ZNF106: variants seen among roughly 807,000 people sequenced by gnomAD.
ZNF106 encodes the protein SH3-domain binding protein 3.
ZNF106 carries 67 observed loss-of-function variants against 195.1 expected under a neutral mutation model. The observed-to-expected ratio is 0.34, with a 90% CI of 0.28 to 0.42. The LOEUF (loss-of-function observed/expected upper bound fraction) is 0.42, where lower values mean the gene tolerates loss of function less well. Among genes scored for constraint, ZNF106 ranks in the 10% least tolerant of loss-of-function variants. The pLI is 1.00. For synonymous variants in ZNF106, 784 were observed against 818.6 expected, an observed-to-expected ratio of 0.96 and a Z score of 0.72; for missense variants, 2,118 against 2,304.5, an observed-to-expected ratio of 0.92 and a Z score of 1.66.
intron 19 of ZNF106, 59 bp downstream of exon 19, chr15:42,421,858 A>G: frequency 7.0e-7 from 1 of 1,428,902 alleles, no homozygotes; most frequent in Non-Finnish European, 9.5e-7. Flanking sequence ...TGGAAGTGAC[A>G]AGAATTTTTT....
intron 1 of ZNF106, among the ~76,000 whole-genome samples, chr15:42,478,406 C>A (rs1344166077): frequency 6.6e-6 from 1 of 151,994 alleles, no homozygotes; most frequent in African/African-American, 2.4e-5. Flanking sequence ...TTGTGATCCA[C>A]CTGCCTCGGC....
Position 42,457,882 on chromosome 15 carries a change from T to C in ZNF106, c.117-724A>G, listed in dbSNP as rs899863187. On this transcript the variant is annotated intron_variant, in intron 3 of 21. Transcript: ENST00000564754. The stretch of plus-strand genomic sequence containing the variant: ...TGAGAGAGATGCAAAACCAGGTTTT[T>C]AGTTAAACTAGGCAGACTTTTTTGC... Among the ~76,000 whole-genome samples, 6 of 152,354 alleles carry C rather than the reference T, an allele frequency of 3.9e-5. No homozygotes were observed. The South Asian group carries it at 1.2e-3, about 32-fold the overall frequency.
At chr15:42,453,744 C>T (rs917806694) in intron 4 of ZNF106, among the ~76,000 whole-genome samples, 3 of 152,030 alleles carry the variant, frequency 2.0e-5, no homozygotes, top group Admixed American at 6.6e-5. Flanking sequence ...TACAGGCTCC[C>T]GCCACCACGC....
At chr15:42,427,707 T>A (rs979423340) in intron 15 of ZNF106, 6 of 207,902 alleles carry the variant, frequency 2.9e-5, no homozygotes, top group African/African-American at 6.8e-5. Context: ...CTTAAGTTCA[T>A]TTTTTATGAT....
At chr15:42,418,282 C>T (rs1595858015) in intron 20 of ZNF106, among the ~76,000 whole-genome samples, 2 of 152,012 alleles carry the variant, frequency 1.3e-5, no homozygotes, top group Admixed American at 1.3e-4. Context: ...TTTGATGTTG[C>T]CATCATAAAA....
At position 42,414,401 on chromosome 15, in the gene ZNF106, G is replaced by T. The variant is rs147557055; in HGVS notation, c.*2903C>A. 1 of 152,190 alleles carries T rather than the reference G, an allele frequency of 6.6e-6. No homozygotes were observed. The highest frequency in any genetic ancestry group is 2.4e-5 in the African/African-American group (1 of 41,452). 9.4% of individuals were successfully genotyped at this position (152,190 alleles called of 1,614,324 possible). ...GTAACACACTAATCTGGTGTTAAAA[G>T]AATTTCATGTGTTCTTGAAACAAAG... is the stretch of plus-strand genomic sequence containing the variant. On this transcript the variant is annotated 3_prime_UTR_variant, in exon 22 of 22. Transcript: ENST00000564754.
intron 3 of ZNF106, among the ~76,000 whole-genome samples, chr15:42,463,010 G>A (rs2056429193): frequency 6.6e-6 from 1 of 151,648 alleles, no homozygotes; most frequent in African/African-American, 2.4e-5. Flanking sequence ...TGTTGCCCAG[G>A]TTGGTCTTGA....
intron 1 of ZNF106, among the ~76,000 whole-genome samples, chr15:42,474,338 TTCGG>T (rs72007473): frequency 0.014 from 2,089 of 152,328 alleles, 58 homozygotes; most frequent in African/African-American, 0.048. Flanking sequence ...ACTAGTATAG[TTCGG>T]TCTAGCACTT....
intron 3 of ZNF106, among the ~76,000 whole-genome samples, chr15:42,460,042 C>CAA (rs1288163141): frequency 3.3e-5 from 3 of 91,370 alleles, no homozygotes; most frequent in Non-Finnish European, 6.8e-5. Flanking sequence ...GACTTGGCCT[C>CAA]AAAAAAAAAA....
Position 42,450,882 on chromosome 15 carries a change from C to G in ZNF106, c.1390G>C (p.Glu464Gln), listed in dbSNP as rs1293069147. 1.2e-6 allele frequency: 2 copies of G among 1,613,994 alleles called. No homozygotes were observed. Among genetic ancestry groups the G allele is most frequent in the Non-Finnish European group, 1.7e-6 (2 of 1,180,026 alleles). Residue 464 changes from glutamate (E) to glutamine (Q), a missense_variant, in exon 5 of 22, where the codon GAG becomes CAG. Glu to Gln is a conservative substitution (Grantham distance 29). Transcript: ENST00000564754. ...QCPTAEKPEQ[E>Q]HTPNKMPSLK... ...GATGGCATTTTATTTGGTGTATGCT[C>G]TTGTTCAGGTTTTTCTGCAGTGGGG...
chr15:42,454,656 G>T (rs1214694001), intron 4 of ZNF106, among the ~76,000 whole-genome samples: 1 of 151,998 alleles, frequency 6.6e-6, no homozygotes. Context: ...GGCCAAGGTG[G>T]GTGGATCACT....
intron 1 of ZNF106, among the ~76,000 whole-genome samples, chr15:42,483,850 T>A (rs1189973327): frequency 2.6e-5 from 4 of 152,162 alleles, no homozygotes; most frequent in Admixed American, 1.3e-4. Context: ...CTCCTTTTCA[T>A]CTAGTTAATT....
intron 4 of ZNF106, among the ~76,000 whole-genome samples, chr15:42,456,715 G>A (rs886422931): frequency 5.3e-5 from 8 of 151,590 alleles, no homozygotes; most frequent in Non-Finnish European, 1.0e-4. Flanking sequence ...TTACCAACAT[G>A]GCAAAAATTT....
intron 2 of ZNF106, among the ~76,000 whole-genome samples, chr15:42,471,659 A>G (rs532220554): frequency 1.3e-5 from 2 of 152,322 alleles, no homozygotes; most frequent in East Asian, 3.9e-4. Context: ...TGAACTGGGG[A>G]GGCAGAGGTT....
intron 19 of ZNF106, 68 bp downstream of exon 19, chr15:42,421,849 G>C (rs1280325135): frequency 3.7e-5 from 48 of 1,306,390 alleles, no homozygotes; most frequent in Non-Finnish European, 4.8e-5. Flanking sequence ...TGTCACTTTT[G>C]GAAGTGACAA....
intron 2 of ZNF106, among the ~76,000 whole-genome samples, chr15:42,466,680 C>T (rs542043507): frequency 6.6e-6 from 1 of 152,312 alleles, no homozygotes; most frequent in South Asian, 2.1e-4. Context: ...TAAAAAAATA[C>T]TTTGAACATA....
At chr15:42,434,133 C>T (rs1475808280) in intron 14 of ZNF106, among the ~76,000 whole-genome samples, 1 of 152,124 alleles carries the variant, frequency 6.6e-6, no homozygotes, top group Non-Finnish European at 1.5e-5. Flanking sequence ...AGACATGAAC[C>T]ATAGTACCTC....
At chr15:42,476,567 C>T (rs1211380829) in intron 1 of ZNF106, among the ~76,000 whole-genome samples, 1 of 152,172 alleles carries the variant, frequency 6.6e-6, no homozygotes, top group Non-Finnish European at 1.5e-5. Context: ...TCCCAAAGTG[C>T]TGGGATTACA....
chr15:42,428,233 C>A (rs537250983), intron 14 of ZNF106, 99 bp from the exon 15 acceptor site: 8 of 899,282 alleles, frequency 8.9e-6, no homozygotes, highest in Non-Finnish European at 1.4e-5. Context: ...GACTCTTATG[C>A]GGAAGAAAGT....
Sources: gnomAD v4.1 joint callset for allele counts (sites outside exome capture counted in the v4.1 genomes callset) on GRCh38, gnomAD v4.1.1 for gene constraint, MANE v1.5 for transcripts, NCBI Gene and HGNC (gene_info 2026-07-23, HGNC 2026-07-21) for gene names.